The following IGF1R variants were observed in gnomAD, a reference collection of about 807,000 sequenced individuals.
IGF1R encodes insulin-like growth factor 1 receptor.
A neutral mutation model predicts 144.6 loss-of-function variants in IGF1R; 44 were observed. That is an observed-to-expected ratio of 0.30 (90% CI 0.24 to 0.39). The LOEUF (loss-of-function observed/expected upper bound fraction) is 0.39, where lower values mean the gene tolerates loss of function less well. IGF1R is among the 10% of genes least tolerant of loss of function. The probability of loss-of-function intolerance (pLI) is 1.00; values close to 1 mark genes in which losing one functional copy is unlikely to be tolerated. For synonymous variants in IGF1R, 795 were observed against 722.8 expected (o/e 1.10, Z -1.60); for missense variants, 1,355 against 1,833.7 (o/e 0.74, Z 4.77).
At chr15:98,902,354 G>A (rs2014524033) in intron 5 of IGF1R, among the ~76,000 whole-genome samples, 1 of 150,832 alleles carries the variant, frequency 6.6e-6, no homozygotes, top group Admixed American at 6.6e-5. Context: ...CCCTCACACT[G>A]CTGCCTAATG....
rs759804883 is a variant in IGF1R at position 98,922,402 on chromosome 15, A to C, written c.2456A>C (p.Asn819Thr). 6.2e-7 allele frequency: 1 copy of C among 1,613,368 alleles called. No individual in the cohort carries two copies. Among genetic ancestry groups the C allele is most frequent in the Non-Finnish European group, 8.5e-7 (1 of 1,180,020 alleles). Residue 819 changes from asparagine (N) to threonine (T), a missense_variant, in exon 11 of 21, where the codon AAC (asparagine) becomes ACC (threonine). Asn to Thr is a moderately conservative substitution (Grantham distance 65). Coordinates refer to ENST00000650285, the MANE Select transcript of IGF1R (RefSeq NM_000875.5). ...EAEKLGCSAS[N>T]FVFARTMPAE... ...GAGAAGCTGGGCTGCAGCGCCTCCA[A>C]CTTCGTCTTTGCAAGGACTATGCCC...
At chr15:98,689,193 G>A (rs1315413023) in intron 1 of IGF1R, among the ~76,000 whole-genome samples, 1 of 150,738 alleles carries the variant, frequency 6.6e-6, no homozygotes, top group African/African-American at 2.4e-5. Context: ...TTGGTTTTTG[G>A]CGTCCTTTTC....
rs762807036 is a variant in IGF1R at position 98,935,313 on chromosome 15, C to T, written c.3187-3C>T. The stretch of plus-strand genomic sequence containing the variant: ...GAGTCTTTCTCTTTTTGATTCCTCC[C>T]AGGTGCGATTGCTGGGTGTGGTGTC... On this transcript the variant is annotated splice_region_variant and splice_polypyrimidine_tract_variant and intron_variant, in intron 16 of 20. Transcript: ENST00000650285. This position sits in a 1 kb window ranked among gnomAD's most constrained non-coding sequence, Gnocchi z 4.2. 50 of 1,539,816 alleles carry T rather than the reference C, an allele frequency of 3.2e-5. No individual in the cohort carries two copies. The South Asian group carries it at 5.6e-4, about 17-fold the overall frequency.
In IGF1R at chr15:98,773,329, A is replaced by G. The variant is rs550058736; in HGVS notation, c.640+65222A>G. The stretch of plus-strand genomic sequence containing the variant: ...TGTTGGCCTCAATGTTCAGCTTTAC[A>G]AAAACTCCCGTAATTAATGAAGGTC... On this transcript the variant is annotated intron_variant, in intron 2 of 20. Coordinates refer to ENST00000650285, the MANE Select transcript of IGF1R (RefSeq NM_000875.5). Among the ~76,000 whole-genome samples the G allele has an allele frequency of 3.9e-5, 6 of 152,250 alleles. No individual in the cohort carries two copies. The East Asian group carries it at 1.2e-3, about 29-fold the overall frequency.
At chr15:98,775,035 G>A (rs1567122715) in intron 2 of IGF1R, among the ~76,000 whole-genome samples, 1 of 152,118 alleles carries the variant, frequency 6.6e-6, no homozygotes, top group African/African-American at 2.4e-5. Context: ...ACTGGAGGTT[G>A]TCTGACTTGG....
At chr15:98,801,395 C>T (rs747818867) in intron 2 of IGF1R, among the ~76,000 whole-genome samples, 4 of 152,198 alleles carry the variant, frequency 2.6e-5, no homozygotes, top group South Asian at 4.1e-4. Flanking sequence ...ACAAAGAGAG[C>T]GGGCATTGTC....
chr15:98,699,947 G>C (rs542319306), intron 1 of IGF1R, among the ~76,000 whole-genome samples: 1 of 152,262 alleles, frequency 6.6e-6, no homozygotes, highest in Admixed American at 6.5e-5. Flanking sequence ...AGGTGGCCAG[G>C]ATTGCTGTCT....
At chr15:98,873,447 T>C (rs1021572609) in intron 2 of IGF1R, among the ~76,000 whole-genome samples, 3 of 152,230 alleles carry the variant, frequency 2.0e-5, no homozygotes, top group African/African-American at 7.2e-5. Context: ...GCTTGAGTTG[T>C]ATACTAATTT....
In IGF1R at chr15:98,691,839, G is replaced by C. The variant is rs181844836; in HGVS notation, c.95-15723G>C. On this transcript the variant is annotated intron_variant, in intron 1 of 20. Transcript: ENST00000650285. ...ATACATCTATTTGCCCCACTGACAT[G>C]AGGGTTGGATCTCTAGAAGAGGAGT... Among the ~76,000 whole-genome samples, 481 of 152,292 alleles carry C rather than the reference G, an allele frequency of 3.2e-3. 1 individual carries two copies. The highest frequency in any genetic ancestry group is 5.0e-3 in the Non-Finnish European group (343 of 68,024).
At chr15:98,699,379 A>G (rs1272588857) in intron 1 of IGF1R, among the ~76,000 whole-genome samples, 1 of 152,230 alleles carries the variant, frequency 6.6e-6, no homozygotes, top group Admixed American at 6.5e-5. Flanking sequence ...CCAGCCACCC[A>G]TGGGAACTGT....
intron 2 of IGF1R, among the ~76,000 whole-genome samples, chr15:98,789,815 G>A (rs1463943842): frequency 1.3e-5 from 2 of 152,150 alleles, no homozygotes; most frequent in Admixed American, 6.5e-5. Flanking sequence ...CTCAGCTTTG[G>A]GGGCGAGTTA....
At position 98,922,165 on chromosome 15, in the gene IGF1R, G is replaced by A; in HGVS notation, c.2219G>A (p.Arg740Lys). 6.2e-7 allele frequency: 1 copy of A among 1,614,188 alleles called. No homozygotes were observed. Among genetic ancestry groups the A allele is most frequent in the South Asian group, 1.1e-5 (1 of 91,074 alleles). The change falls in exon 11 of 21, where the codon AGA (arginine) becomes AAA (lysine). Residue 740 changes from arginine to lysine, a missense_variant. This residue lies in a region of IGF1R where 880 missense variants were observed against 1,202.7 expected (regional missense o/e 0.73). Coordinates refer to ENST00000650285, the MANE Select transcript of IGF1R (RefSeq NM_000875.5). ...IFVPRPERKR[R>K]DVMQVANTTM... Reference sequence around the variant, plus strand: ...CCTTGCAGACCTGAAAGGAAGCGGAGAGATGTCATGCAAGTGGCCAACACC... The same window carrying A: ...CCTTGCAGACCTGAAAGGAAGCGGAAAGATGTCATGCAAGTGGCCAACACC...
chr15:98,910,487 C>A (rs1300039475), intron 6 of IGF1R, among the ~76,000 whole-genome samples: 1 of 152,202 alleles, frequency 6.6e-6, no homozygotes, highest in African/African-American at 2.4e-5. Context: ...CTCTGCTTCA[C>A]CTCTTGAGTG....
intron 1 of IGF1R, among the ~76,000 whole-genome samples, chr15:98,662,332 C>CT (rs764671904): frequency 8.6e-5 from 13 of 152,036 alleles, no homozygotes; most frequent in Non-Finnish European, 1.6e-4. Flanking sequence ...ACCCGGACGT[C>CT]TGAGTCTCAG....
intron 2 of IGF1R, among the ~76,000 whole-genome samples, chr15:98,767,899 A>AT (rs1400550809): frequency 6.6e-6 from 1 of 152,140 alleles, no homozygotes; most frequent in Non-Finnish European, 1.5e-5. Flanking sequence ...CATTGTTTGA[A>AT]TACTTGCGTG....
At chr15:98,829,179 C>T (rs958173620) in intron 2 of IGF1R, among the ~76,000 whole-genome samples, 2 of 152,192 alleles carry the variant, frequency 1.3e-5, no homozygotes, top group African/African-American at 4.8e-5. Flanking sequence ...CTTACCACAT[C>T]TGGCATGTAG....
chr15:98,830,212 T>G lies in IGF1R; in HGVS notation c.641-61113T>G, dbSNP rs368213656. On this transcript the variant is annotated intron_variant, in intron 2 of 20. Coordinates refer to ENST00000650285, the MANE Select transcript of IGF1R (RefSeq NM_000875.5). Reference sequence around the variant, plus strand: ...ATTTCTAGAGCAGTGTTCCTGCCCTTTTCCTTTCTAAATGGGGTGGGAGTT... The same window carrying G: ...ATTTCTAGAGCAGTGTTCCTGCCCTGTTCCTTTCTAAATGGGGTGGGAGTT... 8.5e-5 allele frequency among the ~76,000 whole-genome samples: 13 copies of G among 152,324 alleles called. No individual in the cohort carries two copies. The South Asian group carries it at 2.1e-3, about 24-fold the overall frequency.
intron 13 of IGF1R, 118 bp from the exon 14 acceptor site, chr15:98,929,440 G>C (rs1481445816): frequency 7.7e-6 from 6 of 783,734 alleles, no homozygotes; most frequent in South Asian, 4.1e-5. Flanking sequence ...CTTACTGTAT[G>C]ATGGGGAGTA....
rs143847794 is a variant in IGF1R, at chr15:98,665,241, G to A, written c.94+15566G>A. On this transcript the variant is annotated intron_variant, in intron 1 of 20. Transcript: ENST00000650285. ...GCTGGGATTAAAGGCGTGAGCCACC[G>A]CGCCCGGCAGGAACCCAGCTTCATT... Among the ~76,000 whole-genome samples, 197 of 152,244 alleles carry A rather than the reference G, an allele frequency of 1.3e-3. 1 individual carries two copies. Among genetic ancestry groups the A allele is most frequent in the Middle Eastern group, 3.4e-3 (1 of 294 alleles).
Sources: gnomAD v4.1 joint callset for allele counts (sites outside exome capture counted in the v4.1 genomes callset) on GRCh38, gnomAD v4.1.1 for gene constraint, gnomAD v4.1.1 regional missense constraint, Gnocchi (gnomAD v3.1) non-coding constraint, MANE v1.5 for transcripts, NCBI Gene and HGNC (gene_info 2026-07-23, HGNC 2026-07-21) for gene names.